Variants in UTRN observed in about 807,000 individuals in gnomAD.
The protein encoded by UTRN is utrophin.
Under a neutral mutation model 463.9 loss-of-function variants are expected in UTRN, and 283 were observed. That is an observed-to-expected ratio of 0.61 (90% CI 0.55 to 0.67). The LOEUF (loss-of-function observed/expected upper bound fraction) is 0.67, where lower values mean the gene tolerates loss of function less well. Among genes scored for constraint, UTRN ranks in the 30% least tolerant of loss-of-function variants. The probability of loss-of-function intolerance (pLI) is 0.00; values close to 1 mark genes in which losing one functional copy is unlikely to be tolerated. For missense variants in UTRN, 3,922 were observed against 4,084.3 expected, an observed-to-expected ratio of 0.96 and a Z score of 1.08; for synonymous variants, 1,442 against 1,431.5, an observed-to-expected ratio of 1.01 and a Z score of -0.17.
chr6:144,413,053 T>C (rs1584680052), intron 3 of UTRN, among the ~76,000 whole-genome samples: 1 of 152,332 alleles, frequency 6.6e-6, no homozygotes, highest in South Asian at 2.1e-4. Context: ...CTCCCTGCTG[T>C]ATCTGTTTCT....
intron 54 of UTRN, among the ~76,000 whole-genome samples, chr6:144,745,025 A>G (rs1293226033): frequency 6.6e-6 from 1 of 152,160 alleles, no homozygotes; most frequent in Non-Finnish European, 1.5e-5. Context: ...TACGCTGACC[A>G]GGGAAATCAC....
intron 51 of UTRN, among the ~76,000 whole-genome samples, chr6:144,578,587 G>A (rs1801667558): frequency 1.3e-5 from 2 of 152,106 alleles, no homozygotes; most frequent in Non-Finnish European, 2.9e-5. Flanking sequence ...CACCTGCCTC[G>A]GTCTCCCGAA....
At chr6:144,479,001 G>C (rs1333673854) in intron 25 of UTRN, among the ~76,000 whole-genome samples, 1 of 151,930 alleles carries the variant, frequency 6.6e-6, no homozygotes, top group Non-Finnish European at 1.5e-5. Context: ...TTATAGAGCG[G>C]TGTCTTATGA....
At chr6:144,506,785 A>G (rs1006668211) in intron 34 of UTRN, among the ~76,000 whole-genome samples, 1 of 151,930 alleles carries the variant, frequency 6.6e-6, no homozygotes, top group Non-Finnish European at 1.5e-5. Context: ...CATTCTCTGT[A>G]TTTCCTGAAG....
chr6:144,621,442 A>G (rs1425338719), intron 51 of UTRN, among the ~76,000 whole-genome samples: 3 of 81,772 alleles, frequency 3.7e-5, no homozygotes, highest in Non-Finnish European at 5.8e-5. Flanking sequence ...GGCCCATATC[A>G]AATGTATCTT....
At chr6:144,359,843 A>C (rs1204083916) in intron 2 of UTRN, among the ~76,000 whole-genome samples, 11 of 151,904 alleles carry the variant, frequency 7.2e-5, no homozygotes, top group Non-Finnish European at 7.4e-5. Flanking sequence ...TGAGTAGAAC[A>C]TTGATTGAGA....
intron 51 of UTRN, among the ~76,000 whole-genome samples, chr6:144,630,304 G>C (rs893151335): frequency 1.3e-5 from 2 of 152,196 alleles, no homozygotes; most frequent in Admixed American, 1.3e-4. Flanking sequence ...ATGCTTTGCT[G>C]AGGGCCTGTG....
chr6:144,718,080 C>A (rs952001456), intron 53 of UTRN, among the ~76,000 whole-genome samples: 2 of 152,138 alleles, frequency 1.3e-5, no homozygotes, highest in Non-Finnish European at 2.9e-5. Flanking sequence ...ATGGCTAGAA[C>A]CTTCCTCTAC....
intron 2 of UTRN, among the ~76,000 whole-genome samples, chr6:144,325,601 C>G (rs1188073773): frequency 6.6e-6 from 1 of 152,164 alleles, no homozygotes; most frequent in Non-Finnish European, 1.5e-5. Context: ...TTAAAGAGTG[C>G]TTTTACTGGG....
intron 65 of UTRN, among the ~76,000 whole-genome samples, chr6:144,811,078 T>G (rs1391522582): frequency 1.3e-5 from 2 of 152,116 alleles, no homozygotes; most frequent in Non-Finnish European, 2.9e-5. Flanking sequence ...GTAAAAAATA[T>G]CGAATTTCTG....
chr6:144,306,393 G>A (rs1805740398), intron 2 of UTRN, among the ~76,000 whole-genome samples: 1 of 152,122 alleles, frequency 6.6e-6, no homozygotes, highest in African/African-American at 2.4e-5. Flanking sequence ...GATTGAGGTA[G>A]CTGGGAAGGA....
At chr6:144,349,361 A>T (rs984204407) in intron 2 of UTRN, among the ~76,000 whole-genome samples, 1 of 152,046 alleles carries the variant, frequency 6.6e-6, no homozygotes, top group East Asian at 1.9e-4. Flanking sequence ...GGTTTCCATT[A>T]CCCCTGCCAT....
intron 53 of UTRN, among the ~76,000 whole-genome samples, chr6:144,701,591 T>G (rs1225466035): frequency 2.1e-4 from 32 of 152,204 alleles, no homozygotes; most frequent in Non-Finnish European, 2.9e-5. Context: ...CCCATTTTCT[T>G]GTATATACAT....
chr6:144,482,756 C>G (rs1792033146), intron 27 of UTRN, among the ~76,000 whole-genome samples: 1 of 152,108 alleles, frequency 6.6e-6, no homozygotes, highest in Non-Finnish European at 1.5e-5. Context: ...TTTCAAGCCT[C>G]TCTTTTGTTT....
In UTRN at chr6:144,394,819, A is replaced by G. The variant is rs112147036; in HGVS notation, c.80-8304A>G. On this transcript the variant is annotated intron_variant, in intron 2 of 74. Transcript: ENST00000367545. ...AGATCCCTCATAACATGAGGAAAAT[A>G]ATGAAATAAATAAAGTAATTAAAAT... 2.8e-3 allele frequency among the ~76,000 whole-genome samples: 423 copies of G among 152,298 alleles called. 3 individuals carry two copies. The highest frequency in any genetic ancestry group is 9.9e-3 in the African/African-American group (413 of 41,576).
rs1333418089 is a variant in UTRN at position 144,513,931 on chromosome 6, T to C, written c.4967T>C (p.Ile1656Thr). The change falls in exon 36 of 75, where the codon ATA becomes ACA. Residue 1656 changes from isoleucine to threonine, a missense_variant. Transcript: ENST00000367545. ...TLMNHQNQLE[I>T]FDGNVAHIST... ...TAGAACCATCAGAACCAGCTAGAAA[T>C]ATTTGATGGGAACGTGGCTCACATA... 6.2e-7 allele frequency: 1 copy of C among 1,613,936 alleles called. No homozygotes were observed. The highest frequency in any genetic ancestry group is 1.7e-5 in the Admixed American group (1 of 60,012).
At chr6:144,839,532 C>T (rs539367918) in intron 72 of UTRN, among the ~76,000 whole-genome samples, 3 of 152,162 alleles carry the variant, frequency 2.0e-5, no homozygotes, top group African/African-American at 4.8e-5. Context: ...AAAAAGCCTC[C>T]TCTGCCCTTT....
chr6:144,332,601 T>C (rs1316495765), intron 2 of UTRN, among the ~76,000 whole-genome samples: 1 of 152,110 alleles, frequency 6.6e-6, no homozygotes, highest in Non-Finnish European at 1.5e-5. Flanking sequence ...TTAAATTGAA[T>C]ATATAGGGAA....
Position 144,352,931 on chromosome 6 carries a change from TTTC to T in UTRN, c.80-50180_80-50178del, listed in dbSNP as rs751691414. Among the ~76,000 whole-genome samples, 110 of 152,186 alleles carry T rather than the reference TTTC, an allele frequency of 7.2e-4. 1 individual carries two copies. Among genetic ancestry groups the T allele is most frequent in the Admixed American group, 4.9e-3 (75 of 15,272 alleles). On this transcript the variant is annotated intron_variant, in intron 2 of 74. Coordinates refer to ENST00000367545, the MANE Select transcript of UTRN (RefSeq NM_007124.3). ...TTCTAAATTTTCTCATCTATTTATG[TTTC>T]TTCTTCTTCTTTTTCTTTTTTTCTT...
Sources: gnomAD v4.1 joint callset for allele counts (sites outside exome capture counted in the v4.1 genomes callset) on GRCh38, gnomAD v4.1.1 for gene constraint, MANE v1.5 for transcripts, NCBI Gene and HGNC (gene_info 2026-07-23, HGNC 2026-07-21) for gene names.